Variants in RAI14 observed in about 807,000 individuals in gnomAD.
RAI14 encodes the protein retinoic acid induced 14, also known as ankycorbin.
Under a neutral mutation model 115.4 loss-of-function variants are expected in RAI14, and 45 were observed. The ratio of observed to expected loss-of-function variants is 0.39; its 90% CI spans 0.31 to 0.50. The LOEUF (loss-of-function observed/expected upper bound fraction) is 0.50, where lower values mean the gene tolerates loss of function less well. Ranked by LOEUF, RAI14 falls within the 20% of genes least tolerant of loss-of-function variation. RAI14 has a pLI of 0.85. For synonymous variants in RAI14, 371 were observed against 415.4 expected, an observed-to-expected ratio of 0.89 and a Z score of 1.30; for missense variants, 939 against 1,131.2, an observed-to-expected ratio of 0.83 and a Z score of 2.44.
chr5:34,731,586 T>C (rs1401281776), intron 2 of RAI14, among the ~76,000 whole-genome samples: 2 of 152,236 alleles, frequency 1.3e-5, no homozygotes, highest in Non-Finnish European at 2.9e-5. Flanking sequence ...TACTTCCACA[T>C]TGTTTTTCTG....
chr5:34,721,488 A>G (rs764873379), intron 2 of RAI14, among the ~76,000 whole-genome samples: 9 of 152,064 alleles, frequency 5.9e-5, no homozygotes, highest in Non-Finnish European at 1.0e-4. Flanking sequence ...AACTAAATGT[A>G]TTATGACCAT....
chr5:34,818,744 T>C (rs1042816784), intron 12 of RAI14, 53 bp from the exon 13 acceptor site: 2 of 1,465,866 alleles, frequency 1.4e-6, no homozygotes, highest in African/African-American at 2.8e-5. Context: ...TTGATTCTTT[T>C]GTGTAATGTT....
chr5:34,813,698 C>G, intron 11 of RAI14, 38 bp downstream of exon 11: 1 of 1,486,708 alleles, frequency 6.7e-7, no homozygotes, highest in Non-Finnish European at 9.3e-7. Flanking sequence ...ATAAACGCAC[C>G]ACAAGAAAGC....
chr5:34,720,208 A>G (rs1303153700), intron 2 of RAI14, among the ~76,000 whole-genome samples: 2 of 152,150 alleles, frequency 1.3e-5, no homozygotes, highest in African/African-American at 4.8e-5. Context: ...GTGTTAAACC[A>G]AAAAGAAGTT....
intron 2 of RAI14, among the ~76,000 whole-genome samples, chr5:34,700,163 G>A (rs949396851): frequency 2.6e-5 from 4 of 152,156 alleles, no homozygotes; most frequent in Admixed American, 2.6e-4. Context: ...CAAAGGGTAT[G>A]ATTTAGCCTA....
intron 7 of RAI14, among the ~76,000 whole-genome samples, chr5:34,810,418 T>G (rs773866990): frequency 6.6e-6 from 1 of 152,238 alleles, no homozygotes; most frequent in Non-Finnish European, 1.5e-5. Flanking sequence ...ATTTCCTTTT[T>G]CCCAAAGGGG....
chr5:34,697,832 T>A (rs1159448027), intron 2 of RAI14, among the ~76,000 whole-genome samples: 1 of 152,194 alleles, frequency 6.6e-6, no homozygotes, highest in Non-Finnish European at 1.5e-5. Context: ...CTACATGACA[T>A]CTGACTCTCA....
At chr5:34,778,231 G>T (rs1408812591) in intron 3 of RAI14, among the ~76,000 whole-genome samples, 1 of 152,180 alleles carries the variant, frequency 6.6e-6, no homozygotes, top group Non-Finnish European at 1.5e-5. Context: ...CTCAAACTTG[G>T]ATGTGTACAT....
In RAI14 at chr5:34,811,948, A is replaced by T; in HGVS notation, c.736+3A>T. 6.2e-7 allele frequency: 1 copy of T among 1,601,434 alleles called. No homozygotes were observed. Among genetic ancestry groups the T allele is most frequent in the Non-Finnish European group, 8.5e-7 (1 of 1,173,896 alleles). ...ATCAAAAATCTCTCAGGATGCTGGT[A>T]TGTAAAAGAAAATAGCCAATGTTGT... is the stretch of plus-strand genomic sequence containing the variant. On this transcript the variant is annotated splice_donor_region_variant and intron_variant, in intron 9 of 17. Coordinates refer to ENST00000265109, the MANE Select transcript of RAI14 (RefSeq NM_015577.3).
intron 2 of RAI14, among the ~76,000 whole-genome samples, chr5:34,749,550 G>A (rs1419485631): frequency 6.6e-6 from 1 of 152,198 alleles, no homozygotes; most frequent in African/African-American, 2.4e-5. Flanking sequence ...TTGACATGAT[G>A]TTTGCTATTC....
chr5:34,705,681 C>G (rs1740623817), intron 2 of RAI14, among the ~76,000 whole-genome samples: 1 of 152,076 alleles, frequency 6.6e-6, no homozygotes, highest in Admixed American at 6.6e-5. Flanking sequence ...GAGTTTCACT[C>G]TTGTTGCCCA....
chr5:34,730,454 G>T (rs940679895), intron 2 of RAI14, among the ~76,000 whole-genome samples: 1 of 151,714 alleles, frequency 6.6e-6, no homozygotes, highest in Non-Finnish European at 1.5e-5. Flanking sequence ...AAGCAGGCAG[G>T]TCTCTTGAAG....
At chr5:34,762,441 C>G (rs1001027542) in intron 3 of RAI14, among the ~76,000 whole-genome samples, 4 of 152,066 alleles carry the variant, frequency 2.6e-5, no homozygotes, top group Admixed American at 6.6e-5. Context: ...ATGCCTTAGA[C>G]TTTTGAGTTT....
chr5:34,765,673 G>C (rs563490719), intron 3 of RAI14, among the ~76,000 whole-genome samples: 161 of 152,312 alleles, frequency 1.1e-3, no homozygotes, highest in African/African-American at 3.6e-3. Flanking sequence ...TTTGCAGCCT[G>C]ACTATTAGAT....
rs34641122 is a variant in RAI14 at position 34,824,188 on chromosome 5, A to G, written c.2346A>G (p.Ala782=). 746 of 1,614,220 alleles carry G rather than the reference A, an allele frequency of 4.6e-4. 2 individuals are homozygous for G. In the African/African-American group the frequency reaches 9.4e-3, roughly 20 times the overall value. The change falls in exon 15 of 18, where the codon GCA becomes GCG. Residue 782 remains alanine (A), a synonymous_variant. Coordinates refer to ENST00000265109, the MANE Select transcript of RAI14 (RefSeq NM_015577.3). ...AAGAGAAAGCTGCTATGACTGATGCAATGGTACCTCGGTCTTCCTATGAAA... is the reference window on the plus strand; with the variant it reads ...AAGAGAAAGCTGCTATGACTGATGCGATGGTACCTCGGTCTTCCTATGAAA... ...LLEEKAAMTD[A]MVPRSSYEKL...
At chr5:34,700,031 G>A (rs1482228113) in intron 2 of RAI14, among the ~76,000 whole-genome samples, 2 of 152,186 alleles carry the variant, frequency 1.3e-5, no homozygotes, top group African/African-American at 2.4e-5. Flanking sequence ...AAATCAAAGC[G>A]GTCAGACTTG....
intron 1 of RAI14, chr5:34,656,732 G>A (rs1250978517): frequency 6.6e-6 from 1 of 152,460 alleles, no homozygotes; most frequent in Non-Finnish European, 1.5e-5. Context: ...ACCCGGCCAA[G>A]TTAGGAGAAG....
chr5:34,681,207 A>G (rs1744355999), intron 1 of RAI14, among the ~76,000 whole-genome samples: 1 of 152,220 alleles, frequency 6.6e-6, no homozygotes, highest in Non-Finnish European at 1.5e-5. Context: ...AGAGAATTGA[A>G]TGTTTATATA....
intron 3 of RAI14, among the ~76,000 whole-genome samples, chr5:34,777,462 C>CA (rs975181979): frequency 2.0e-5 from 3 of 151,854 alleles, no homozygotes; most frequent in South Asian, 2.1e-4. Context: ...ATGTGGGAAC[C>CA]AAAAAAACAA....
Sources: gnomAD v4.1 joint callset for allele counts (sites outside exome capture counted in the v4.1 genomes callset) on GRCh38, gnomAD v4.1.1 for gene constraint, MANE v1.5 for transcripts, NCBI Gene and HGNC (gene_info 2026-07-23, HGNC 2026-07-21) for gene names.